EFHB: variants seen among roughly 807,000 people sequenced by gnomAD.
EFHB encodes the protein EF-hand domain-containing family member B.
In EFHB, 91 loss-of-function variants were observed where a neutral mutation model predicts 87.2. That is an observed-to-expected ratio of 1.04 (90% CI 0.88 to 1.24). EFHB has a LOEUF of 1.24. EFHB is among the 50% of genes most tolerant of loss of function. The probability of loss-of-function intolerance (pLI) is 0.00; values close to 1 mark genes in which losing one functional copy is unlikely to be tolerated. For synonymous variants in EFHB, 325 were observed against 333.6 expected (o/e 0.97, Z 0.28); for missense variants, 1,084 against 998.8 (o/e 1.09, Z -1.15).
rs73188421 is a variant in EFHB, at chr3:19,882,520, T to C, written c.2328+30A>G. Reference sequence around the variant, plus strand: ...ATAGTAGTTGTTGATAGAGAAAACATTTCCATTTTTGTATGCTTATATGCT... The same window carrying C: ...ATAGTAGTTGTTGATAGAGAAAACACTTCCATTTTTGTATGCTTATATGCT... On this transcript the variant is annotated intron_variant, in intron 12 of 12. Coordinates refer to ENST00000295824, the MANE Select transcript of EFHB (RefSeq NM_144715.4). 1.9e-3 allele frequency: 2,742 copies of C among 1,449,096 alleles called. 24 individuals carry two copies. The African/African-American group carries it at 0.024, about 13-fold the overall frequency. 89.8% of individuals were successfully genotyped at this position (1,449,096 alleles called of 1,614,324 possible). A position where few individuals can be genotyped will look rare whatever the true frequency, so the allele number is the denominator to read the frequency against.
At chr3:19,907,988 A>G (rs1453811302) in intron 5 of EFHB, among the ~76,000 whole-genome samples, 2 of 152,230 alleles carry the variant, frequency 1.3e-5, no homozygotes, top group Non-Finnish European at 2.9e-5. Context: ...TTGAGCTGAC[A>G]GTTTGGCTCT....
intron 1 of EFHB, among the ~76,000 whole-genome samples, chr3:19,928,234 G>C (rs759022286): frequency 2.0e-5 from 3 of 152,028 alleles, no homozygotes; most frequent in Non-Finnish European, 4.4e-5. Context: ...TTTACCCTTA[G>C]AAAATGAACT....
chr3:19,915,239 A>T, intron 5 of EFHB, 64 bp downstream of exon 5: 1 of 1,025,406 alleles, frequency 9.8e-7, no homozygotes, highest in Non-Finnish European at 1.5e-6. Context: ...AATTTCCTTT[A>T]TTCCTCTTCA....
At chr3:19,903,532 T>G (rs901057624) in intron 6 of EFHB, among the ~76,000 whole-genome samples, 2 of 151,966 alleles carry the variant, frequency 1.3e-5, no homozygotes, top group African/African-American at 4.8e-5. Context: ...TTAAATAATA[T>G]CTTCATACTT....
chr3:19,908,673 GAT>G (rs1454556137), intron 5 of EFHB, among the ~76,000 whole-genome samples: 1 of 151,614 alleles, frequency 6.6e-6, no homozygotes, highest in African/African-American at 2.4e-5. Context: ...TTCTGTGTGA[GAT>G]AGAGAATTGT....
At chr3:19,908,590 G>GAAAGAAAGAAAGAAAGAA (rs1244772767) in intron 5 of EFHB, among the ~76,000 whole-genome samples, 2 of 111,186 alleles carry the variant, frequency 1.8e-5, no homozygotes, top group Admixed American at 1.8e-4. Flanking sequence ...GAGAGAGAGA[G>GAAAGAAAGAAAGAAAGAA]AGAGAGAGAG....
chr3:19,923,231 C>T (rs927081615), intron 1 of EFHB, among the ~76,000 whole-genome samples: 5 of 151,336 alleles, frequency 3.3e-5, no homozygotes, highest in African/African-American at 1.2e-4. Flanking sequence ...TGCGCCACTG[C>T]ACTCCAGCCT....
intron 1 of EFHB, among the ~76,000 whole-genome samples, chr3:19,939,239 C>T (rs1400800711): frequency 2.0e-5 from 3 of 151,960 alleles, no homozygotes; most frequent in Admixed American, 1.3e-4. Context: ...CCCCTGTTGT[C>T]CCCCTTGCTT....
intron 11 of EFHB, among the ~76,000 whole-genome samples, chr3:19,883,095 G>C (rs1409655172): frequency 6.6e-6 from 1 of 151,834 alleles, no homozygotes; most frequent in Non-Finnish European, 1.5e-5. Flanking sequence ...TGAACTCCTG[G>C]ACTCAAGTGA....
chr3:19,909,386 G>A (rs1430301039), intron 5 of EFHB, among the ~76,000 whole-genome samples: 1 of 152,130 alleles, frequency 6.6e-6, no homozygotes, highest in Non-Finnish European at 1.5e-5. Flanking sequence ...CACCAGAAAA[G>A]GAATTGCCAA....
At chr3:19,881,203 C>T (rs986451751) in intron 12 of EFHB, among the ~76,000 whole-genome samples, 9 of 152,138 alleles carry the variant, frequency 5.9e-5, no homozygotes, top group African/African-American at 2.2e-4. Flanking sequence ...TTTAAAAAGG[C>T]CCCTGCAGAG....
At chr3:19,908,743 T>C (rs1694955714) in intron 5 of EFHB, among the ~76,000 whole-genome samples, 1 of 152,154 alleles carries the variant, frequency 6.6e-6, no homozygotes, top group African/African-American at 2.4e-5. Context: ...AAAGTATCTA[T>C]CACTTTAGTA....
At position 19,915,334 on chromosome 3, in the gene EFHB, C is replaced by T. The variant is rs1695191619; in HGVS notation, c.1257G>A (p.Leu419=). 2 of 1,612,990 alleles carry T rather than the reference C, an allele frequency of 1.2e-6. No individual in the cohort carries two copies. The highest frequency in any genetic ancestry group is 1.7e-6 in the Non-Finnish European group (2 of 1,179,350). ...VFKEGNEGHD[L]YVVSHNDYYA... ...AATAATCATTGTGAGAAACAACATA[C>T]AAATCATGTCCTTCATTTCCTTCTT... Residue 419 remains leucine (L), a synonymous_variant, in exon 5 of 13, where the codon TTG becomes TTA. Transcript: ENST00000295824.
chr3:19,920,652 T>C (rs1695407928), intron 1 of EFHB, 85 bp from the exon 2 acceptor site: 1 of 1,085,596 alleles, frequency 9.2e-7, no homozygotes, highest in Non-Finnish European at 1.3e-6. Flanking sequence ...ACTTGTCCTA[T>C]GCCTCTGAGG....
chr3:19,940,492 T>G, intron 1 of EFHB: 1 of 505,328 alleles, frequency 2.0e-6, no homozygotes, highest in South Asian at 1.4e-5. Flanking sequence ...CTGTTTGTCT[T>G]CATCGTGAAT....
chr3:19,882,680 C>T lies in EFHB; in HGVS notation c.2198G>A (p.Arg733Gln), dbSNP rs149572350. The T allele has an allele frequency of 8.7e-4, 1,398 of 1,613,668 alleles. 1 individual carries two copies. The highest frequency in any genetic ancestry group is 1.1e-3 in the Non-Finnish European group (1,246 of 1,179,780). The change falls in exon 12 of 13, where the codon CGA becomes CAA. Residue 733 changes from arginine to glutamine, a missense_variant. By Grantham distance (43) the Arg-to-Gln change is conservative (BLOSUM62 1). Transcript: ENST00000295824. ...AGTTCTGTCACTGATGCGACGAATT[C>T]GGGGAGCAGGAATGTCAGATCGAAT... ...PTIRSDIPAP[R>Q]IRRISDRTNY...
chr3:19,908,976 C>T (rs924241440), intron 5 of EFHB, among the ~76,000 whole-genome samples: 12 of 151,768 alleles, frequency 7.9e-5, no homozygotes, highest in African/African-American at 9.7e-5. Flanking sequence ...TGGAGCAAGA[C>T]GGCAGAATAG....
intron 12 of EFHB, among the ~76,000 whole-genome samples, chr3:19,880,058 T>G (rs1184197404): frequency 6.6e-6 from 1 of 152,112 alleles, no homozygotes; most frequent in African/African-American, 2.4e-5. Flanking sequence ...CTAGCCAATA[T>G]ATAAAGTTAT....
In EFHB at chr3:19,879,710, TCTC is replaced by T. The variant is rs751749423; in HGVS notation, c.2420_2422del (p.Gly807del). On this transcript the variant is annotated inframe_deletion, in exon 13 of 13. Coordinates refer to ENST00000295824, the MANE Select transcript of EFHB (RefSeq NM_144715.4). ...ATTTCTGATGTTCTCAACACAAACT[TCTC>T]CTCTGTGATGCTTTTTTGATGCAAG... is the stretch of plus-strand genomic sequence containing the variant. The T allele has an allele frequency of 2.6e-5, 42 of 1,610,772 alleles. No homozygotes were observed. Among genetic ancestry groups the T allele is most frequent in the Non-Finnish European group, 3.2e-5 (38 of 1,179,158 alleles).
Sources: gnomAD v4.1 joint callset for allele counts (sites outside exome capture counted in the v4.1 genomes callset) on GRCh38, gnomAD v4.1.1 for gene constraint, MANE v1.5 for transcripts, NCBI Gene and HGNC (gene_info 2026-07-23, HGNC 2026-07-21) for gene names.